The following DPH6 variants were observed in gnomAD, a reference collection of about 807,000 sequenced individuals.
DPH6 encodes diphthamine biosynthesis 6.
In DPH6, 33 loss-of-function variants were observed where a neutral mutation model predicts 38.2. That is an observed-to-expected ratio of 0.86 (90% CI 0.65 to 1.15). DPH6 has a LOEUF of 1.15. DPH6 is among the 50% of genes most tolerant of loss of function. DPH6 has a pLI of 0.00. For synonymous variants in DPH6, 108 were observed against 103.0 expected (o/e 1.05, Z -0.30); for missense variants, 325 against 320.0 (o/e 1.02, Z -0.12).
intron 3 of DPH6, among the ~76,000 whole-genome samples, chr15:35,523,759 T>G (rs1226261651): frequency 6.6e-6 from 1 of 152,074 alleles, no homozygotes; most frequent in African/African-American, 2.4e-5. Flanking sequence ...GACAGACAAG[T>G]TCCTCATGCT....
intron 3 of DPH6, among the ~76,000 whole-genome samples, chr15:35,525,036 T>A (rs1242839526): frequency 2.0e-5 from 3 of 152,172 alleles, no homozygotes; most frequent in Admixed American, 6.5e-5. Context: ...GGCACCATGA[T>A]GAGCACTGAA....
At chr15:35,534,377 CAAAAAAAA>C (rs55974798) in intron 3 of DPH6, among the ~76,000 whole-genome samples, 1 of 104,220 alleles carries the variant, frequency 9.6e-6, no homozygotes, top group Admixed American at 9.8e-5. Context: ...AACTCTGTCT[CAAAAAAAA>C]AAAAAAAAAA....
chr15:35,362,974 G>A (rs1256884267), intron 3 of DPH6, among the ~76,000 whole-genome samples: 1 of 152,034 alleles, frequency 6.6e-6, no homozygotes, highest in Non-Finnish European at 1.5e-5. Context: ...TTTTATTACT[G>A]ATTTTTAGCA....
intron 3 of DPH6, among the ~76,000 whole-genome samples, chr15:35,502,939 T>C (rs927990503): frequency 6.8e-6 from 1 of 147,892 alleles, no homozygotes; most frequent in African/African-American, 2.5e-5. Flanking sequence ...TATATAAATA[T>C]ATATATACAC....
intron 3 of DPH6, among the ~76,000 whole-genome samples, chr15:35,222,543 G>C (rs965468052): frequency 2.0e-5 from 3 of 152,052 alleles, no homozygotes; most frequent in Non-Finnish European, 2.9e-5. Context: ...TTGAAGGGGG[G>C]GGTTTCAGGT....
At chr15:35,165,475 C>T in the DPH6 span, among the ~76,000 whole-genome samples, 1 of 151,906 alleles carries the variant, frequency 6.6e-6, no homozygotes, top group Admixed American at 6.6e-5. Context: ...TAAAAGCTCT[C>T]TGTTTTTTAC....
At chr15:35,361,967 T>C (rs1467022194) in intron 3 of DPH6, among the ~76,000 whole-genome samples, 2 of 150,112 alleles carry the variant, frequency 1.3e-5, no homozygotes, top group Non-Finnish European at 2.9e-5. Flanking sequence ...TGAAGATCTA[T>C]TTTGGGCCTC....
chr15:35,295,329 T>C (rs770955121), intron 3 of DPH6, among the ~76,000 whole-genome samples: 2 of 152,198 alleles, frequency 1.3e-5, no homozygotes, highest in African/African-American at 2.4e-5. Context: ...GTTATTTCTG[T>C]TGACTTTTTC....
At chr15:35,414,792 C>T (rs2053415560) in intron 5 of DPH6, among the ~76,000 whole-genome samples, 1 of 151,592 alleles carries the variant, frequency 6.6e-6, no homozygotes, top group African/African-American at 2.4e-5. Flanking sequence ...ATTCTGCCCA[C>T]TGAAGTTTTT....
intron 3 of DPH6, among the ~76,000 whole-genome samples, chr15:35,305,920 G>T (rs1458506235): frequency 1.3e-5 from 2 of 152,116 alleles, no homozygotes; most frequent in Non-Finnish European, 2.9e-5. Flanking sequence ...GGAACACTAA[G>T]GTTTTAACAT....
chr15:35,542,553 T>C (rs1245418254), intron 1 of DPH6, 46 bp from the exon 2 acceptor site: 1 of 1,469,890 alleles, frequency 6.8e-7, no homozygotes, highest in Non-Finnish European at 9.4e-7. Context: ...CTACTGACCA[T>C]TATTCAACAT....
At chr15:35,520,872 C>A (rs953062598) in intron 3 of DPH6, 5 of 984,852 alleles carry the variant, frequency 5.1e-6, no homozygotes, top group Non-Finnish European at 6.0e-6. Context: ...ATAAAGGAAC[C>A]CAAATTCCCT....
At position 35,372,076 on chromosome 15, in the gene DPH6, A is replaced by G; in HGVS notation, c.*74T>C. On this transcript the variant is annotated 3_prime_UTR_variant, in exon 9 of 9. Coordinates refer to ENST00000256538, the MANE Select transcript of DPH6 (RefSeq NM_080650.4). ...CATGAGAAAAAAATAAACTAGTCAT[A>G]GTAACTGAGAAAATACTATGCAATT... The G allele has an allele frequency of 6.8e-7, 1 of 1,472,944 alleles. No individual in the cohort carries two copies. The highest frequency in any genetic ancestry group is 9.0e-7 in the Non-Finnish European group (1 of 1,116,802). 91.2% of individuals were successfully genotyped at this position (1,472,944 alleles called of 1,614,324 possible).
intron 1 of DPH6, among the ~76,000 whole-genome samples, chr15:35,545,463 A>T (rs1159345348): frequency 6.6e-6 from 1 of 152,238 alleles, no homozygotes; most frequent in Non-Finnish European, 1.5e-5. Flanking sequence ...CAGCAACTGG[A>T]TCTAGCATAA....
chr15:35,230,767 T>G (rs541183185), intron 3 of DPH6, among the ~76,000 whole-genome samples: 1 of 152,282 alleles, frequency 6.6e-6, no homozygotes, highest in South Asian at 2.1e-4. Context: ...AAGCAGCAGA[T>G]TTCCTTATGT....
intron 3 of DPH6, among the ~76,000 whole-genome samples, chr15:35,299,629 TCTCA>T (rs1169542816): frequency 2.6e-5 from 4 of 152,140 alleles, no homozygotes; most frequent in Non-Finnish European, 5.9e-5. Flanking sequence ...ACATGTTCTT[TCTCA>T]CTCACTATGT....
At chr15:35,167,337 A>C in the DPH6 span, among the ~76,000 whole-genome samples, 18 of 152,032 alleles carry the variant, frequency 1.2e-4, no homozygotes, top group Non-Finnish European at 4.4e-5. Context: ...TCTAAATGTG[A>C]ACAAGGCTAG....
chr15:35,264,983 C>A (rs2051774083), intron 3 of DPH6, among the ~76,000 whole-genome samples: 1 of 152,108 alleles, frequency 6.6e-6, no homozygotes, highest in Non-Finnish European at 1.5e-5. Flanking sequence ...AAGGAACTGA[C>A]TGAAAGTACA....
At chr15:35,202,420 T>C in the DPH6 span, among the ~76,000 whole-genome samples, 2 of 151,818 alleles carry the variant, frequency 1.3e-5, no homozygotes, top group Non-Finnish European at 3.0e-5. Flanking sequence ...CTGTGTTTCC[T>C]GAAGTAACTG....
Sources: gnomAD v4.1 joint callset for allele counts (sites outside exome capture counted in the v4.1 genomes callset) on GRCh38, gnomAD v4.1.1 for gene constraint, MANE v1.5 for transcripts, NCBI Gene and HGNC (gene_info 2026-07-23, HGNC 2026-07-21) for gene names.